PECR: variants seen among roughly 807,000 people sequenced by gnomAD.
PECR encodes peroxisomal trans-2-enoyl-CoA reductase, also known as 2,4-dienoyl-CoA reductase-related protein.
A neutral mutation model predicts 35.3 loss-of-function variants in PECR; 30 were observed. That is an observed-to-expected ratio of 0.85 (90% CI 0.64 to 1.15). PECR has a LOEUF of 1.15. Among genes scored for constraint, PECR ranks in the 50% most tolerant of loss-of-function variants. The probability of loss-of-function intolerance (pLI) is 0.00; values close to 1 mark genes in which losing one functional copy is unlikely to be tolerated. For synonymous variants in PECR, 148 were observed against 138.9 expected, an observed-to-expected ratio of 1.07 and a Z score of -0.46; for missense variants, 392 against 370.8, an observed-to-expected ratio of 1.06 and a Z score of -0.47.
At chr2:216,045,781 G>A (rs984027009) in intron 6 of PECR, among the ~76,000 whole-genome samples, 1 of 152,216 alleles carries the variant, frequency 6.6e-6, no homozygotes, top group South Asian at 2.1e-4. Context: ...ATCAAAAAGA[G>A]ACTTGCTCCA....
chr2:216,037,086 A>G (rs1006315227), downstream of PECR, among the ~76,000 whole-genome samples: 1 of 152,178 alleles, frequency 6.6e-6, no homozygotes, highest in Admixed American at 6.5e-5. Flanking sequence ...GACTCCTAGC[A>G]TAATGCTAAA....
chr2:216,030,129 A>G (rs1694658125), intron 7 of PECR, among the ~76,000 whole-genome samples: 1 of 152,252 alleles, frequency 6.6e-6, no homozygotes, highest in African/African-American at 2.4e-5. Flanking sequence ...GTTCTAAAAT[A>G]CTTATAAATC....
At chr2:216,076,223 C>T (rs1376188931) in intron 1 of PECR, among the ~76,000 whole-genome samples, 2 of 152,148 alleles carry the variant, frequency 1.3e-5, no homozygotes, top group African/African-American at 2.4e-5. Context: ...GATGGAATCT[C>T]ACTCTGTCAC....
At chr2:216,032,150 C>A (rs1317457437) in intron 7 of PECR, among the ~76,000 whole-genome samples, 1 of 152,144 alleles carries the variant, frequency 6.6e-6, no homozygotes, top group East Asian at 1.9e-4. Context: ...TTCTTCAAAT[C>A]CTTGCTATTT....
intron 7 of PECR, among the ~76,000 whole-genome samples, chr2:216,042,155 T>C (rs1223600201): frequency 6.6e-6 from 1 of 152,196 alleles, no homozygotes; most frequent in Non-Finnish European, 1.5e-5. Flanking sequence ...CCTCAGCCTG[T>C]GGGATCTGAT....
At chr2:216,057,850 G>A (rs1235594222) in intron 4 of PECR, 2 of 152,116 alleles carry the variant, frequency 1.3e-5, no homozygotes, top group African/African-American at 2.4e-5. Context: ...GTCAGTTAAT[G>A]AGTATCCTCT....
At chr2:216,072,008 A>G (rs1337250353) in intron 1 of PECR, among the ~76,000 whole-genome samples, 1 of 152,226 alleles carries the variant, frequency 6.6e-6, no homozygotes, top group African/African-American at 2.4e-5. Flanking sequence ...AGCAAAGACT[A>G]CCTATGAACT....
Position 216,069,706 on chromosome 2 carries a change from G to C in PECR, c.125-3188C>G, listed in dbSNP as rs142113745. On this transcript the variant is annotated intron_variant, in intron 1 of 7. Coordinates refer to ENST00000265322, the MANE Select transcript of PECR (RefSeq NM_018441.6). ...TAATCCCAGCACTTTGGGAGGTCGA[G>C]GTGGGCGGATCACAAGGTCAGCAGT... 6.1e-3 allele frequency among the ~76,000 whole-genome samples: 923 copies of C among 152,240 alleles called. 6 individuals carry two copies. The highest frequency in any genetic ancestry group is 0.021 in the African/African-American group (877 of 41,526).
chr2:216,061,983 T>TGTGTGTGC, intron 3 of PECR, among the ~76,000 whole-genome samples: 1 of 151,968 alleles, frequency 6.6e-6, no homozygotes, highest in African/African-American at 2.4e-5. Context: ...TGTGTGTGTG[T>TGTGTGTGC]GCATGATTGT....
At chr2:216,046,310 A>ATATTTTTTTTTTTTT (rs1553560626) in intron 6 of PECR, among the ~76,000 whole-genome samples, 1 of 96,974 alleles carries the variant, frequency 1.0e-5, no homozygotes, top group African/African-American at 4.6e-5. Flanking sequence ...ATATATATAT[A>ATATTTTTTTTTTTTT]TTTTTTTTTT....
At chr2:216,077,984 G>A (rs1423586617) in intron 1 of PECR, among the ~76,000 whole-genome samples, 2 of 147,000 alleles carry the variant, frequency 1.4e-5, no homozygotes, top group Non-Finnish European at 3.0e-5. Flanking sequence ...ATCTGGCATA[G>A]TATGAAGTAA....
chr2:216,030,322 A>G (rs1694661038), intron 7 of PECR, among the ~76,000 whole-genome samples: 1 of 152,164 alleles, frequency 6.6e-6, no homozygotes, highest in Non-Finnish European at 1.5e-5. Context: ...CTCTGAAGCC[A>G]AACTCCTTTG....
intron 7 of PECR, among the ~76,000 whole-genome samples, chr2:216,041,730 G>A (rs950104527): frequency 1.3e-5 from 2 of 152,152 alleles, no homozygotes; most frequent in South Asian, 4.1e-4. Flanking sequence ...CACAACCTCT[G>A]GGGAGGTAAG....
At chr2:216,053,880 T>A (rs1003997701) in intron 4 of PECR, among the ~76,000 whole-genome samples, 2 of 152,164 alleles carry the variant, frequency 1.3e-5, no homozygotes, top group African/African-American at 4.8e-5. Flanking sequence ...AAATATATAT[T>A]TTTTTAATCC....
chr2:216,060,604 A>T (rs1695319501), intron 3 of PECR, among the ~76,000 whole-genome samples: 1 of 152,152 alleles, frequency 6.6e-6, no homozygotes, highest in Non-Finnish European at 1.5e-5. Context: ...TCAAGGTTGC[A>T]GTGGGCTATG....
intron 3 of PECR, 122 bp downstream of exon 3, chr2:216,065,190 A>C (rs1695438370): frequency 3.8e-6 from 3 of 784,146 alleles, no homozygotes; most frequent in Non-Finnish European, 7.0e-6. Context: ...TTACATTCCT[A>C]TGTTGTAAGT....
At position 216,069,949 on chromosome 2, in the gene PECR, A is replaced by G. The variant is rs926348566; in HGVS notation, c.125-3431T>C. On this transcript the variant is annotated intron_variant, in intron 1 of 7. Transcript: ENST00000265322. ...AAGACTCTGTCAAAAAAAAAAAAAA[A>G]AAAGAAACTTTTGGAAATATTTCAT... Among the ~76,000 whole-genome samples, 80 of 150,666 alleles carry G rather than the reference A, an allele frequency of 5.3e-4. 2 individuals carry two copies. The East Asian group carries it at 0.012, about 23-fold the overall frequency.
chr2:216,065,260 C>G (rs1209672014), intron 3 of PECR, 52 bp downstream of exon 3: 1 of 1,268,944 alleles, frequency 7.9e-7, no homozygotes, highest in African/African-American at 1.5e-5. Flanking sequence ...AATAGGAATC[C>G]TGAGATCTCT....
chr2:216,042,580 C>A lies in PECR; in HGVS notation c.826+1324G>T, dbSNP rs187976877. ...TTTTGGAGTGATTTAGAGTTATTAG[C>A]TTAGATAAACCTTTTAACGTCTGTG... On this transcript the variant is annotated intron_variant, in intron 7 of 7. Transcript: ENST00000265322. 4.6e-5 allele frequency among the ~76,000 whole-genome samples: 7 copies of A among 152,162 alleles called. No individual in the cohort carries two copies. The East Asian group carries it at 1.4e-3, about 29-fold the overall frequency.
Sources: allele counts gnomAD v4.1 joint callset (sites outside exome capture counted in the v4.1 genomes callset), GRCh38; gene constraint gnomAD v4.1.1; transcripts MANE v1.5; gene names NCBI Gene and HGNC (gene_info 2026-07-23, HGNC 2026-07-21).